Variants in PIK3C2G observed in about 807,000 individuals in gnomAD.
The protein encoded by PIK3C2G is phosphatidylinositol 3-kinase C2 domain-containing subunit gamma.
A neutral mutation model predicts 181.1 loss-of-function variants in PIK3C2G; 168 were observed. That is an observed-to-expected ratio of 0.93 (90% CI 0.82 to 1.05). The LOEUF (loss-of-function observed/expected upper bound fraction) is 1.05. PIK3C2G is among the 50% of genes least tolerant of loss of function. PIK3C2G has a pLI of 0.00. For missense variants in PIK3C2G, 1,869 were observed against 1,732.8 expected (o/e 1.08, Z -1.40); for synonymous variants, 573 against 592.2 (o/e 0.97, Z 0.47).
At chr12:18,403,220 T>C (rs1191915135) in intron 16 of PIK3C2G, among the ~76,000 whole-genome samples, 2 of 152,132 alleles carry the variant, frequency 1.3e-5, no homozygotes, top group African/African-American at 4.8e-5. Context: ...TTTTTAGAGG[T>C]TATGGGGACT....
At chr12:18,717,178 T>G in the PIK3C2G span, among the ~76,000 whole-genome samples, 1 of 152,118 alleles carries the variant, frequency 6.6e-6, no homozygotes, top group Non-Finnish European at 1.5e-5. Context: ...TCTTGTAATG[T>G]AAAAGTAATT....
In PIK3C2G at chr12:18,290,873, T is replaced by G; in HGVS notation, c.780T>G (p.His260Gln). ...TTTTCAGAATCAGAGAAAGATATCA[T>G]GCAGCTGATGTTAATTTCAATTCTG... is the stretch of plus-strand genomic sequence containing the variant. ...NKVKKIRERYHAADVNFNSGK... is the reference protein window; with the variant it reads ...NKVKKIRERYQAADVNFNSGK... Residue 260 changes from histidine (H) to glutamine (Q), a missense_variant, in exon 4 of 33, where the codon CAT (histidine) becomes CAG (glutamine). Physicochemically the swap from His to Gln is conservative, Grantham distance 24 (BLOSUM62 0). Coordinates refer to ENST00000538779, the MANE Select transcript of PIK3C2G (RefSeq NM_001288772.2). The G allele has an allele frequency of 6.2e-7, 1 of 1,603,278 alleles. No homozygotes were observed. The highest frequency in any genetic ancestry group is 8.5e-7 in the Non-Finnish European group (1 of 1,170,942).
chr12:18,664,092 G>C, the PIK3C2G span, among the ~76,000 whole-genome samples: 1 of 152,128 alleles, frequency 6.6e-6, no homozygotes, highest in African/African-American at 2.4e-5. Context: ...AACCAAACCA[G>C]ACAAACAAAC....
intron 30 of PIK3C2G, among the ~76,000 whole-genome samples, chr12:18,595,053 A>T (rs1435385259): frequency 6.6e-6 from 1 of 152,066 alleles, no homozygotes; most frequent in African/African-American, 2.4e-5. Context: ...AAAAGATTTG[A>T]TTCTCAATAC....
the PIK3C2G span, among the ~76,000 whole-genome samples, chr12:18,658,606 T>A: frequency 6.6e-6 from 1 of 151,186 alleles, no homozygotes; most frequent in African/African-American, 2.5e-5. Context: ...TAAAGGAGAA[T>A]TTTTTAATAG....
intron 18 of PIK3C2G, among the ~76,000 whole-genome samples, chr12:18,466,866 A>C (rs970698579): frequency 1.3e-5 from 2 of 152,066 alleles, no homozygotes; most frequent in Non-Finnish European, 2.9e-5. Flanking sequence ...ACACACAAAC[A>C]AAGTAATAAC....
rs1041736936 is a variant in PIK3C2G at position 18,542,456 on chromosome 12, T to C, written c.3481-3867T>C. The stretch of plus-strand genomic sequence containing the variant: ...GGGGTACATGTGAAGGTTGGTTACA[T>C]AGGTAAACTTCTGTCACAGGGATTT... On this transcript the variant is annotated intron_variant, in intron 25 of 32. Coordinates refer to ENST00000538779, the MANE Select transcript of PIK3C2G (RefSeq NM_001288772.2). 2.7e-4 allele frequency among the ~76,000 whole-genome samples: 41 copies of C among 151,870 alleles called. 1 individual carries two copies. The highest frequency in any genetic ancestry group is 9.7e-4 in the African/African-American group (40 of 41,394).
At chr12:18,462,457 G>C (rs56993418) in intron 18 of PIK3C2G, among the ~76,000 whole-genome samples, 6,544 of 152,196 alleles carry the variant, frequency 0.043, 477 homozygotes, top group African/African-American at 0.15. Context: ...TGATAAACCA[G>C]AGTGAAATCA....
At chr12:18,628,765 GA>G (rs776893625) in intron 31 of PIK3C2G, among the ~76,000 whole-genome samples, 3 of 152,066 alleles carry the variant, frequency 2.0e-5, no homozygotes, top group Non-Finnish European at 4.4e-5. Context: ...TAAACTTAGA[GA>G]AAATTATCTA....
At chr12:18,313,855 T>G in intron 5 of PIK3C2G, 107 bp from the exon 6 acceptor site, 2 of 654,122 alleles carry the variant, frequency 3.1e-6, no homozygotes, top group Non-Finnish European at 5.4e-6. Context: ...CACTCAGTTT[T>G]TACCAAACTA....
At chr12:18,275,614 C>T (rs997899445) in intron 1 of PIK3C2G, among the ~76,000 whole-genome samples, 4 of 152,150 alleles carry the variant, frequency 2.6e-5, no homozygotes, top group Admixed American at 2.0e-4. Context: ...AACTCCTGAG[C>T]TCGTGATCCA....
the PIK3C2G span, among the ~76,000 whole-genome samples, chr12:18,671,304 A>G: frequency 1.1e-4 from 17 of 152,282 alleles, no homozygotes; most frequent in East Asian, 3.1e-3. Context: ...TGCACCATAC[A>G]GAGAAGATAT....
At chr12:18,284,556 T>C (rs1270050483) in intron 2 of PIK3C2G, among the ~76,000 whole-genome samples, 2 of 152,158 alleles carry the variant, frequency 1.3e-5, no homozygotes, top group Non-Finnish European at 2.9e-5. Context: ...ATAATCCAGA[T>C]GTTGGAATTA....
At chr12:18,457,254 A>T (rs909501440) in intron 18 of PIK3C2G, among the ~76,000 whole-genome samples, 1 of 152,172 alleles carries the variant, frequency 6.6e-6, no homozygotes, top group Non-Finnish European at 1.5e-5. Flanking sequence ...GAGAATAGTT[A>T]AGTGCTTTCC....
In PIK3C2G at chr12:18,311,326, T is replaced by C. The variant is rs142134437; in HGVS notation, c.1035-2636T>C. 3.9e-5 allele frequency among the ~76,000 whole-genome samples: 6 copies of C among 152,170 alleles called. No individual in the cohort carries two copies. The East Asian group carries it at 1.2e-3, about 29-fold the overall frequency. ...AAATAAAAATATAGAATATCCAGTT[T>C]TATTTCAAAGTCATAAATATTTTTA... On this transcript the variant is annotated intron_variant, in intron 5 of 32. Transcript: ENST00000538779.
chr12:18,272,597 A>G (rs1289928867), intron 1 of PIK3C2G, among the ~76,000 whole-genome samples: 1 of 152,200 alleles, frequency 6.6e-6, no homozygotes, highest in African/African-American at 2.4e-5. Flanking sequence ...TTTAACAATG[A>G]CAAAATAAAT....
chr12:18,356,550 G>C (rs1198429861), intron 11 of PIK3C2G, among the ~76,000 whole-genome samples: 1 of 152,146 alleles, frequency 6.6e-6, no homozygotes, highest in Non-Finnish European at 1.5e-5. Flanking sequence ...AGCTCAGTGT[G>C]ACAGCCCTCT....
At chr12:18,283,580 A>T (rs970221289) in intron 2 of PIK3C2G, among the ~76,000 whole-genome samples, 2 of 152,208 alleles carry the variant, frequency 1.3e-5, no homozygotes, top group Non-Finnish European at 2.9e-5. Flanking sequence ...ACTTGAATTC[A>T]GGAATAGCAT....
intron 13 of PIK3C2G, among the ~76,000 whole-genome samples, chr12:18,381,180 A>G (rs1942808904): frequency 6.6e-6 from 1 of 152,206 alleles, no homozygotes; most frequent in South Asian, 2.1e-4. Context: ...ATGGTAATTT[A>G]CCACCGATTT....
Sources: allele counts gnomAD v4.1 joint callset (sites outside exome capture counted in the v4.1 genomes callset), GRCh38; gene constraint gnomAD v4.1.1; transcripts MANE v1.5; gene names NCBI Gene and HGNC (gene_info 2026-07-23, HGNC 2026-07-21).